The following UTRN variants were observed in gnomAD, a reference collection of about 807,000 sequenced individuals.
UTRN encodes the protein utrophin, also known as dystrophin-related protein 1.
UTRN carries 283 observed loss-of-function variants against 463.9 expected under a neutral mutation model. The observed-to-expected ratio is 0.61, with a 90% confidence interval of 0.55 to 0.67. The LOEUF (loss-of-function observed/expected upper bound fraction) is 0.67, where lower values mean the gene tolerates loss of function less well. Ranked by LOEUF, UTRN falls within the 30% of genes least tolerant of loss-of-function variation. The pLI is 0.00. For missense variants in UTRN, 3,922 were observed against 4,084.3 expected (o/e 0.96, Z 1.08); for synonymous variants, 1,442 against 1,431.5 (o/e 1.01, Z -0.17).
chr6:144,529,634 C>T (rs1483494103), intron 41 of UTRN, among the ~76,000 whole-genome samples: 1 of 152,040 alleles, frequency 6.6e-6, no homozygotes, highest in East Asian at 1.9e-4. Context: ...AATATCACCT[C>T]ATAGTGCCTT....
chr6:144,393,007 CCA>C (rs1481333833), intron 2 of UTRN, among the ~76,000 whole-genome samples: 1 of 84,228 alleles, frequency 1.2e-5, no homozygotes, highest in Non-Finnish European at 2.0e-5. Context: ...TGCCATCCAT[CCA>C]TCCATCCATC....
rs970260975 is a variant in UTRN, at chr6:144,824,771, G to A, written c.9495-2577G>A. On this transcript the variant is annotated intron_variant, in intron 66 of 74. Transcript: ENST00000367545. ...TTCCTAGGCAGTATGTGAAGTTGGT[G>A]GTGGGGGGGGGTGTCCCCCCAGCGT... 4.5e-4 allele frequency among the ~76,000 whole-genome samples: 45 copies of A among 101,042 alleles called. No homozygotes were observed. The Admixed American group carries it at 4.6e-3, about 10-fold the overall frequency. The allele number at this position is 101,042 out of a possible 152,430, so 66.3% of individuals were successfully genotyped here. A position where few individuals can be genotyped will look rare whatever the true frequency, so the allele number is the denominator to read the frequency against.
intron 51 of UTRN, among the ~76,000 whole-genome samples, chr6:144,664,442 A>G (rs1335628165): frequency 6.8e-6 from 1 of 147,056 alleles, no homozygotes; most frequent in Non-Finnish European, 1.5e-5. Flanking sequence ...CCACTTAGTA[A>G]TTTGACTGTT....
Position 144,539,301 on chromosome 6 carries a change from C to T in UTRN, c.6377C>T (p.Thr2126Ile). 7 of 1,609,792 alleles carry T rather than the reference C, an allele frequency of 4.3e-6. No homozygotes were observed. The highest frequency in any genetic ancestry group is 1.1e-5 in the South Asian group (1 of 90,214). The change falls in exon 45 of 75, where the codon ACT becomes ATT. Residue 2126 changes from threonine (T) to isoleucine (I), a missense_variant. Thr to Ile is a moderately conservative substitution (Grantham distance 89). Transcript: ENST00000367545. ...ATCTTTTAACTTCTCCAGGACTTAACTCAAGAAATGGAAGTACATGCTGAA... is the reference window on the plus strand; with the variant it reads ...ATCTTTTAACTTCTCCAGGACTTAATTCAAGAAATGGAAGTACATGCTGAA... Reference protein sequence around the residue: ...GENLQELRDLTQEMEVHAEKL... With the variant: ...GENLQELRDLIQEMEVHAEKL...
chr6:144,515,568 T>A (rs917250103), intron 37 of UTRN, among the ~76,000 whole-genome samples: 5 of 152,180 alleles, frequency 3.3e-5, no homozygotes, highest in African/African-American at 1.2e-4. Flanking sequence ...TACCTGATTT[T>A]ATAAATTTAA....
At chr6:144,290,836 C>T (rs1300187547) in intron 1 of UTRN, among the ~76,000 whole-genome samples, 1 of 144,886 alleles carries the variant, frequency 6.9e-6, no homozygotes, top group Non-Finnish European at 1.5e-5. Flanking sequence ...GTGATCTCAG[C>T]TCACTGCAAC....
Position 144,795,338 on chromosome 6 carries a change from G to A in UTRN, c.9078+1347G>A, listed in dbSNP as rs533588195. Among the ~76,000 whole-genome samples the A allele has an allele frequency of 4.6e-5, 7 of 152,244 alleles. No individual in the cohort carries two copies. In the South Asian group the frequency reaches 8.3e-4, roughly 18 times the overall value. ...ATAGTGCCTCAGTAAACATACGTGCGCATGTGTCTTTATAGTAGAATGATT... is the reference window on the plus strand; with the variant it reads ...ATAGTGCCTCAGTAAACATACGTGCACATGTGTCTTTATAGTAGAATGATT... On this transcript the variant is annotated intron_variant, in intron 63 of 74. Transcript: ENST00000367545.
chr6:144,746,590 G>A (rs1035862833), intron 54 of UTRN, among the ~76,000 whole-genome samples: 13 of 151,956 alleles, frequency 8.6e-5, no homozygotes, highest in African/African-American at 2.2e-4. Flanking sequence ...AATTCTCCTG[G>A]CCCAGTCTCC....
At chr6:144,569,089 G>A (rs2128621011) in intron 50 of UTRN, among the ~76,000 whole-genome samples, 1 of 151,986 alleles carries the variant, frequency 6.6e-6, no homozygotes, top group Non-Finnish European at 1.5e-5. Flanking sequence ...GTAATATTGA[G>A]TATACCATAC....
intron 51 of UTRN, among the ~76,000 whole-genome samples, chr6:144,663,599 T>A (rs1172974242): frequency 6.6e-6 from 1 of 152,172 alleles, no homozygotes; most frequent in Non-Finnish European, 1.5e-5. Context: ...ATTAATTTAT[T>A]CAGACCTGCT....
chr6:144,636,015 A>G (rs542117019), intron 51 of UTRN, among the ~76,000 whole-genome samples: 1 of 152,206 alleles, frequency 6.6e-6, no homozygotes, highest in African/African-American at 2.4e-5. Flanking sequence ...TATATGTATG[A>G]ATTTTAAGTA....
intron 61 of UTRN, among the ~76,000 whole-genome samples, chr6:144,784,749 T>TG: frequency 6.6e-6 from 1 of 152,362 alleles, no homozygotes; most frequent in African/African-American, 2.4e-5. Flanking sequence ...CAGTTCCACT[T>TG]GCCTCCATCA....
intron 52 of UTRN, among the ~76,000 whole-genome samples, chr6:144,693,755 G>A (rs1433079501): frequency 2.0e-5 from 3 of 152,084 alleles, no homozygotes; most frequent in African/African-American, 7.2e-5. Context: ...ATCCTGAGAC[G>A]CTGCTGAAGT....
At chr6:144,373,003 A>G (rs1780137427) in intron 2 of UTRN, among the ~76,000 whole-genome samples, 1 of 152,234 alleles carries the variant, frequency 6.6e-6, no homozygotes, top group African/African-American at 2.4e-5. Context: ...TATGGCTGTA[A>G]TAAAAATGGA....
Position 144,447,239 on chromosome 6 carries a change from A to C in UTRN, c.1643A>C (p.Lys548Thr), listed in dbSNP as rs745630049. The change falls in exon 15 of 75, where the codon AAA becomes ACA. Residue 548 changes from lysine (K) to threonine (T), a missense_variant. Lys to Thr is a moderately conservative substitution (Grantham distance 78, BLOSUM62 -1). Around this residue, in one of 3 missense-constraint regions of UTRN, gnomAD observed 2,349 missense variants for 2,303.8 expected, o/e 1.02. Coordinates refer to ENST00000367545, the MANE Select transcript of UTRN (RefSeq NM_007124.3). ...QCLLKAWLTEKEEALNKVQTS... is the reference protein window; with the variant it reads ...QCLLKAWLTETEEALNKVQTS... ...TTGTTGAAAGCTTGGTTAACCGAAAAAGAAGAGGCTTTAAATAAAGTCCAG... is the reference window on the plus strand; with the variant it reads ...TTGTTGAAAGCTTGGTTAACCGAAACAGAAGAGGCTTTAAATAAAGTCCAG... 1.2e-6 allele frequency: 2 copies of C among 1,613,980 alleles called. No individual in the cohort carries two copies. Among genetic ancestry groups the C allele is most frequent in the Non-Finnish European group, 1.7e-6 (2 of 1,179,894 alleles).
Position 144,511,125 on chromosome 6 carries a change from T to G in UTRN, c.4944+2T>G. 5 of 1,542,652 alleles carry G rather than the reference T, an allele frequency of 3.2e-6. No homozygotes were observed. The highest frequency in any genetic ancestry group is 4.4e-6 in the Non-Finnish European group (5 of 1,137,526). ...GAAGATTGGTGCAATACCTTGATGG[T>G]ATGTCTCAGGAAAAAGTAAATGATG... On this transcript the variant is annotated splice_donor_variant, in intron 35 of 74. Coordinates refer to ENST00000367545, the MANE Select transcript of UTRN (RefSeq NM_007124.3). LOFTEE classifies it high-confidence loss of function.
intron 51 of UTRN, among the ~76,000 whole-genome samples, chr6:144,618,419 C>G (rs1175133965): frequency 6.6e-6 from 1 of 152,120 alleles, no homozygotes; most frequent in East Asian, 1.9e-4. Context: ...TTGCCACAAA[C>G]CAGTCTTTAG....
At position 144,550,970 on chromosome 6, in the gene UTRN, A is replaced by C; in HGVS notation, c.6816A>C (p.Thr2272=). 6.3e-7 allele frequency: 1 copy of C among 1,594,566 alleles called. No individual in the cohort carries two copies. The highest frequency in any genetic ancestry group is 8.5e-7 in the Non-Finnish European group (1 of 1,174,834). Residue 2272 remains threonine (T), a synonymous_variant, in exon 48 of 75, where the codon ACA becomes ACC. Transcript: ENST00000367545. ...TAATCATTTCTACTTAACAGATTAC[A>C]AAGGCTGACTTAGAACAGCGCCATC... is the stretch of plus-strand genomic sequence containing the variant. ...INKTVSRMKI[T]KADLEQRHPQ... is the part of the protein sequence containing the mutation.
At chr6:144,476,563 T>G (rs1791226598) in intron 25 of UTRN, among the ~76,000 whole-genome samples, 2 of 152,094 alleles carry the variant, frequency 1.3e-5, no homozygotes, top group African/African-American at 4.8e-5. Context: ...CTTCTGTGGG[T>G]GTAGGTGAAA....
Sources: gnomAD v4.1 joint callset for allele counts (sites outside exome capture counted in the v4.1 genomes callset) on GRCh38, gnomAD v4.1.1 for gene constraint, gnomAD v4.1.1 regional missense constraint, MANE v1.5 for transcripts, NCBI Gene and HGNC (gene_info 2026-07-23, HGNC 2026-07-21) for gene names.